PPFIA2: variants seen among roughly 807,000 people sequenced by gnomAD.
The protein encoded by PPFIA2 is liprin-alpha-2.
Under a neutral mutation model 175.5 loss-of-function variants are expected in PPFIA2, and 46 were observed. That is an observed-to-expected ratio of 0.26 (90% CI 0.21 to 0.34). PPFIA2 has a LOEUF of 0.34. Ranked by LOEUF, PPFIA2 falls within the 10% of genes least tolerant of loss-of-function variation. The pLI is 1.00. For missense variants in PPFIA2, 1,179 were observed against 1,506.1 expected (o/e 0.78, Z 3.60); for synonymous variants, 568 against 511.4 (o/e 1.11, Z -1.49).
chr12:81,693,940 T>C (rs1401794234), intron 3 of PPFIA2, among the ~76,000 whole-genome samples: 2 of 151,722 alleles, frequency 1.3e-5, no homozygotes, highest in Non-Finnish European at 1.5e-5. Flanking sequence ...AACTAAAGAG[T>C]GATGATTAGG....
intron 21 of PPFIA2, among the ~76,000 whole-genome samples, chr12:81,332,681 G>A (rs573288246): frequency 6.6e-6 from 1 of 152,076 alleles, no homozygotes; most frequent in East Asian, 1.9e-4. Context: ...TTCTTTATGT[G>A]CCCACACTTG....
At chr12:81,344,807 T>C in intron 18 of PPFIA2, 114 bp from the exon 19 acceptor site, 1 of 745,638 alleles carries the variant, frequency 1.3e-6, no homozygotes, top group Non-Finnish European at 2.1e-6. Flanking sequence ...TTTTTCTTCA[T>C]TTTGTTATTT....
At chr12:81,426,496 G>A (rs1353340377) in intron 7 of PPFIA2, among the ~76,000 whole-genome samples, 1 of 152,160 alleles carries the variant, frequency 6.6e-6, no homozygotes, top group African/African-American at 2.4e-5. Context: ...GGAGGACTGT[G>A]CCCTCAGATG....
chr12:81,345,918 T>C (rs576600415), intron 18 of PPFIA2, among the ~76,000 whole-genome samples: 126 of 152,296 alleles, frequency 8.3e-4, no homozygotes, highest in Admixed American at 3.1e-3. Flanking sequence ...TGTATCCAAG[T>C]GGAATCAGTT....
At chr12:81,495,159 C>T (rs1198181848) in intron 4 of PPFIA2, among the ~76,000 whole-genome samples, 1 of 151,904 alleles carries the variant, frequency 6.6e-6, no homozygotes, top group African/African-American at 2.4e-5. Context: ...CATGTTTGCT[C>T]AATCATCCCC....
At chr12:81,576,296 G>A (rs1046443362) in intron 4 of PPFIA2, among the ~76,000 whole-genome samples, 1 of 151,772 alleles carries the variant, frequency 6.6e-6, no homozygotes, top group African/African-American at 2.4e-5. Flanking sequence ...TTAGCCAGAT[G>A]GAGTGAGGAA....
At chr12:81,356,736 T>C (rs993932073) in intron 16 of PPFIA2, among the ~76,000 whole-genome samples, 43 of 152,136 alleles carry the variant, frequency 2.8e-4, no homozygotes, top group South Asian at 4.1e-4. Context: ...AGCACATGCA[T>C]TGAAAAACTA....
At chr12:81,615,895 T>C (rs1437612412) in intron 4 of PPFIA2, among the ~76,000 whole-genome samples, 3 of 151,958 alleles carry the variant, frequency 2.0e-5, no homozygotes, top group Admixed American at 1.3e-4. Flanking sequence ...TGATGTAGGA[T>C]GAAAAGTGGA....
At chr12:81,321,364 G>A (rs1451983699) in intron 22 of PPFIA2, among the ~76,000 whole-genome samples, 1 of 151,960 alleles carries the variant, frequency 6.6e-6, no homozygotes, top group Non-Finnish European at 1.5e-5. Flanking sequence ...AATTTAATGA[G>A]ATATATAATA....
intron 4 of PPFIA2, chr12:81,597,822 T>A: frequency 1.1e-6 from 1 of 910,416 alleles, no homozygotes; most frequent in South Asian, 1.7e-5. Context: ...GACATGCACA[T>A]TATTCATTCC....
intron 4 of PPFIA2, among the ~76,000 whole-genome samples, chr12:81,528,887 A>T (rs1486251256): frequency 1.3e-5 from 2 of 152,086 alleles, no homozygotes; most frequent in Non-Finnish European, 1.5e-5. Flanking sequence ...CTCTACAATT[A>T]TATAGAAATC....
At chr12:81,618,393 A>T (rs2061631256) in intron 4 of PPFIA2, among the ~76,000 whole-genome samples, 1 of 152,102 alleles carries the variant, frequency 6.6e-6, no homozygotes, top group Admixed American at 6.6e-5. Flanking sequence ...AAATTAATGT[A>T]GGTAATAGTT....
chr12:81,626,890 C>T (rs995002352), intron 4 of PPFIA2, among the ~76,000 whole-genome samples: 4 of 151,908 alleles, frequency 2.6e-5, no homozygotes, highest in Non-Finnish European at 4.4e-5. Flanking sequence ...ACTACACTAC[C>T]TTGAATCATA....
chr12:81,725,132 T>C (rs2079889558), intron 3 of PPFIA2, among the ~76,000 whole-genome samples: 1 of 150,966 alleles, frequency 6.6e-6, no homozygotes. Flanking sequence ...TATAATTAAT[T>C]CAGCTTTTTT....
intron 4 of PPFIA2, among the ~76,000 whole-genome samples, chr12:81,639,759 G>A (rs1441269000): frequency 1.3e-5 from 2 of 151,912 alleles, no homozygotes; most frequent in Non-Finnish European, 2.9e-5. Flanking sequence ...TGAAAATAAC[G>A]ATATAATATT....
chr12:81,752,658 G>A (rs980829035), intron 3 of PPFIA2, among the ~76,000 whole-genome samples: 1 of 152,128 alleles, frequency 6.6e-6, no homozygotes, highest in African/African-American at 2.4e-5. Flanking sequence ...TTTCCATTTT[G>A]AGAGTCATAA....
At chr12:81,728,511 C>T (rs975474271) in intron 3 of PPFIA2, among the ~76,000 whole-genome samples, 1 of 151,314 alleles carries the variant, frequency 6.6e-6, no homozygotes, top group African/African-American at 2.4e-5. Context: ...TACAACTATA[C>T]TTCCTTCTAC....
At chr12:81,589,227 T>C (rs1163226324) in intron 4 of PPFIA2, among the ~76,000 whole-genome samples, 2 of 152,056 alleles carry the variant, frequency 1.3e-5, no homozygotes, top group Non-Finnish European at 2.9e-5. Context: ...TTGTATTAGG[T>C]AGAGACTTCT....
At chr12:81,357,920 G>A (rs2061085809) in intron 16 of PPFIA2, among the ~76,000 whole-genome samples, 162 bp downstream of exon 16, 1 of 152,058 alleles carries the variant, frequency 6.6e-6, no homozygotes, top group African/African-American at 2.4e-5. Flanking sequence ...GCCCATAGTA[G>A]GGGCTTTATG....
Sources: gnomAD v4.1 joint callset for allele counts (sites outside exome capture counted in the v4.1 genomes callset) on GRCh38, gnomAD v4.1.1 for gene constraint, MANE v1.5 for transcripts, NCBI Gene and HGNC (gene_info 2026-07-23, HGNC 2026-07-21) for gene names.